The following PAK5 variants were observed in gnomAD, a reference collection of about 807,000 sequenced individuals.
PAK5 encodes the protein serine/threonine-protein kinase PAK 5.
A neutral mutation model predicts 65.9 loss-of-function variants in PAK5; 16 were observed. The ratio of observed to expected loss-of-function variants is 0.24; its 90% CI spans 0.16 to 0.37. The LOEUF is 0.37. Among genes scored for constraint, PAK5 ranks in the 10% least tolerant of loss-of-function variants. The pLI, the probability that PAK5 is intolerant of heterozygous loss-of-function variation, is 1.00. For missense variants in PAK5, 785 were observed against 903.9 expected (o/e 0.87, Z 1.69); for synonymous variants, 371 against 354.9 (o/e 1.05, Z -0.51).
chr20:9,555,999 T>C (rs1229937667), intron 7 of PAK5, among the ~76,000 whole-genome samples: 2 of 152,154 alleles, frequency 1.3e-5, no homozygotes, highest in Non-Finnish European at 2.9e-5. Context: ...TCAGCTGATG[T>C]CACATGATGC....
intron 3 of PAK5, among the ~76,000 whole-genome samples, chr20:9,587,242 T>C (rs2046086147): frequency 6.6e-6 from 1 of 152,108 alleles, no homozygotes; most frequent in Non-Finnish European, 1.5e-5. Context: ...TCTAGCTTCA[T>C]ATGGTGGGAA....
chr20:9,560,492 T>C (rs1226132896), intron 6 of PAK5, among the ~76,000 whole-genome samples: 1 of 152,124 alleles, frequency 6.6e-6, no homozygotes, highest in Admixed American at 6.6e-5. Context: ...CTCGAGTAGC[T>C]AGGACTACAG....
At chr20:9,580,964 A>C (rs745472510) in intron 3 of PAK5, 34 bp from the exon 4 acceptor site, 2 of 1,466,382 alleles carry the variant, frequency 1.4e-6, no homozygotes, top group Admixed American at 2.2e-5. Context: ...GTTTAAAGAA[A>C]ATATTTCATG....
At chr20:9,713,876 G>T (rs143935992) in intron 1 of PAK5, among the ~76,000 whole-genome samples, 49 of 151,988 alleles carry the variant, frequency 3.2e-4, no homozygotes, top group African/African-American at 1.1e-3. Context: ...CAAGAGAAAT[G>T]AAGAGAAGTT....
intron 2 of PAK5, among the ~76,000 whole-genome samples, chr20:9,686,308 C>A (rs773770629): frequency 2.7e-4 from 41 of 152,190 alleles, no homozygotes; most frequent in Admixed American, 6.6e-4. Context: ...GGTTCAGTCA[C>A]TGGGAGGCAC....
chr20:9,605,100 T>A (rs944637187), intron 3 of PAK5, among the ~76,000 whole-genome samples: 3 of 152,162 alleles, frequency 2.0e-5, no homozygotes, highest in African/African-American at 7.2e-5. Flanking sequence ...ATTGAGCTGG[T>A]TAATGCTGTG....
chr20:9,817,289 A>T (rs2049368301), intron 1 of PAK5, among the ~76,000 whole-genome samples: 1 of 152,162 alleles, frequency 6.6e-6, no homozygotes, highest in African/African-American at 2.4e-5. Flanking sequence ...TATCCAAATG[A>T]AAGACTTTCA....
At position 9,538,982 on chromosome 20, in the gene PAK5, G is replaced by T. The variant is rs1603182684; in HGVS notation, c.*480C>A. ...GATACAATGGCTACATGACATCAAA[G>T]TACTATAAATTATCAAAACTATCGT... On this transcript the variant is annotated 3_prime_UTR_variant, in exon 10 of 10. Transcript: ENST00000353224. 4.3e-6 allele frequency: 1 copy of T among 232,858 alleles called. No homozygotes were observed. Among genetic ancestry groups the T allele is most frequent in the East Asian group, 6.1e-5 (1 of 16,320 alleles). 14.4% of individuals were successfully genotyped at this position (232,858 alleles called of 1,614,324 possible). A position where few individuals can be genotyped will look rare whatever the true frequency, so the allele number is the denominator to read the frequency against.
chr20:9,767,504 C>G (rs2123666568), intron 1 of PAK5, among the ~76,000 whole-genome samples: 1 of 152,274 alleles, frequency 6.6e-6, no homozygotes, highest in East Asian at 1.9e-4. Flanking sequence ...TGTTTCTTTT[C>G]TAGGACATAG....
chr20:9,818,207 T>C (rs765077495), intron 1 of PAK5, among the ~76,000 whole-genome samples: 2 of 152,212 alleles, frequency 1.3e-5, no homozygotes, highest in Non-Finnish European at 2.9e-5. Context: ...TCCTCTTCCA[T>C]TATTCCTCAG....
chr20:9,600,186 ATATTC>A (rs1258525731), intron 3 of PAK5, among the ~76,000 whole-genome samples: 2 of 152,188 alleles, frequency 1.3e-5, no homozygotes, highest in Non-Finnish European at 2.9e-5. Context: ...TCTGAGTGCT[ATATTC>A]TATTCCATTG....
intron 3 of PAK5, among the ~76,000 whole-genome samples, chr20:9,611,970 A>G (rs6056755): frequency 0.32 from 49,274 of 152,014 alleles, 9,628 homozygotes; most frequent in African/African-American, 0.55. Context: ...AGGAACTACC[A>G]CTGTGATGTC....
At chr20:9,601,296 G>T (rs551552294) in intron 3 of PAK5, among the ~76,000 whole-genome samples, 7 of 152,272 alleles carry the variant, frequency 4.6e-5, no homozygotes, top group African/African-American at 1.7e-4. Flanking sequence ...GAATTTCCAA[G>T]AATTTAGAAA....
At chr20:9,620,802 C>A (rs6039526) in intron 3 of PAK5, among the ~76,000 whole-genome samples, 1 of 152,090 alleles carries the variant, frequency 6.6e-6, no homozygotes, top group Non-Finnish European at 1.5e-5. Flanking sequence ...GACAGTCTGC[C>A]TGCATGACGC....
intron 3 of PAK5, among the ~76,000 whole-genome samples, chr20:9,593,712 C>T (rs755347406): frequency 3.3e-5 from 5 of 152,248 alleles, no homozygotes; most frequent in Admixed American, 1.3e-4. Flanking sequence ...ACCGCAGAAA[C>T]GCTAACTCTG....
At chr20:9,736,504 A>G (rs960989997) in intron 1 of PAK5, among the ~76,000 whole-genome samples, 1 of 152,226 alleles carries the variant, frequency 6.6e-6, no homozygotes, top group Non-Finnish European at 1.5e-5. Flanking sequence ...TAGTTCATGA[A>G]CTAAGTGACC....
intron 1 of PAK5, among the ~76,000 whole-genome samples, chr20:9,805,877 T>C (rs1004175116): frequency 6.6e-6 from 1 of 152,188 alleles, no homozygotes; most frequent in African/African-American, 2.4e-5. Flanking sequence ...CTCACGCAAA[T>C]CCTTTTTTAT....
chr20:9,643,160 G>T (rs549261259), intron 3 of PAK5, among the ~76,000 whole-genome samples: 1 of 152,186 alleles, frequency 6.6e-6, no homozygotes, highest in African/African-American at 2.4e-5. Context: ...AAATAGCACA[G>T]ATGTCTACTA....
At chr20:9,798,710 T>C (rs143219013) in intron 1 of PAK5, among the ~76,000 whole-genome samples, 231 of 152,266 alleles carry the variant, frequency 1.5e-3, no homozygotes, top group Non-Finnish European at 2.8e-3. Flanking sequence ...AATTTGGGGC[T>C]CGTGAATTTG....
Sources: allele counts gnomAD v4.1 joint callset (sites outside exome capture counted in the v4.1 genomes callset), GRCh38; gene constraint gnomAD v4.1.1; transcripts MANE v1.5; gene names NCBI Gene and HGNC (gene_info 2026-07-23, HGNC 2026-07-21).